The following ARHGAP42 variants were observed in gnomAD, a reference collection of about 807,000 sequenced individuals.
ARHGAP42 encodes the protein Rho GTPase activating protein 42, also known as rho GTPase-activating protein 42.
A neutral mutation model predicts 125.0 loss-of-function variants in ARHGAP42; 63 were observed. The ratio of observed to expected loss-of-function variants is 0.50; its 90% CI spans 0.41 to 0.62. ARHGAP42 has a LOEUF of 0.62. ARHGAP42 is among the 20% of genes least tolerant of loss of function. ARHGAP42 has a pLI of 0.00. For synonymous variants in ARHGAP42, 339 were observed against 351.0 expected (o/e 0.97, Z 0.38); for missense variants, 766 against 1,024.2 (o/e 0.75, Z 3.44).
chr11:100,941,030 T>C (rs1447904791), intron 8 of ARHGAP42, among the ~76,000 whole-genome samples: 2 of 152,102 alleles, frequency 1.3e-5, no homozygotes, highest in East Asian at 3.9e-4. Flanking sequence ...AGATCTTAGG[T>C]ATCTCTCCAG....
chr11:100,735,602 C>CTTTTTTTTTT (rs58522622), intron 1 of ARHGAP42, among the ~76,000 whole-genome samples: 2 of 73,048 alleles, frequency 2.7e-5, no homozygotes, highest in Non-Finnish European at 4.8e-5. Flanking sequence ...TTTACTTGTA[C>CTTTTTTTTTT]TTTTTTTTTT....
intron 3 of ARHGAP42, among the ~76,000 whole-genome samples, chr11:100,840,236 G>T (rs1216034008): frequency 1.3e-5 from 2 of 152,118 alleles, no homozygotes; most frequent in Admixed American, 6.6e-5. Flanking sequence ...TCACAAAGCA[G>T]CTCTCCCTTA....
chr11:100,860,468 A>G (rs1342864833), intron 4 of ARHGAP42, among the ~76,000 whole-genome samples: 4 of 151,992 alleles, frequency 2.6e-5, no homozygotes, highest in Non-Finnish European at 4.4e-5. Context: ...TCTGCTTGAC[A>G]GTTTAATTTT....
chr11:100,853,060 C>T (rs921582074), intron 3 of ARHGAP42, among the ~76,000 whole-genome samples: 2 of 152,074 alleles, frequency 1.3e-5, no homozygotes, highest in African/African-American at 2.4e-5. Context: ...CCTGTGTGAC[C>T]TTTGAGTTAA....
chr11:100,859,645 A>C lies in ARHGAP42; in HGVS notation c.384+20A>C, dbSNP rs1474733255. ...GCAAAAGTAAGTGTTACATTTTATT[A>C]TTCTTCAGTTATTCTCCTGATAATT... On this transcript the variant is annotated intron_variant, in intron 4 of 23. Transcript: ENST00000298815. 3 of 1,429,840 alleles carry C rather than the reference A, an allele frequency of 2.1e-6. No homozygotes were observed. Among genetic ancestry groups the C allele is most frequent in the African/African-American group, 2.9e-5 (2 of 67,820 alleles). 88.6% of individuals were successfully genotyped at this position (1,429,840 alleles called of 1,614,324 possible).
chr11:100,952,968 A>G lies in ARHGAP42; in HGVS notation c.1162+3012A>G, dbSNP rs528799169. 1.0e-3 allele frequency among the ~76,000 whole-genome samples: 154 copies of G among 151,628 alleles called. 2 individuals carry two copies. Among genetic ancestry groups the G allele is most frequent in the Non-Finnish European group, 1.7e-3 (118 of 67,854 alleles). ...CATGTTGGTATCAAACTCCTGTCGA[A>G]CTCCTCGGGTAAATTTGTGTTTCAG... On this transcript the variant is annotated intron_variant, in intron 12 of 23. Coordinates refer to ENST00000298815, the MANE Select transcript of ARHGAP42 (RefSeq NM_152432.4).
intron 4 of ARHGAP42, among the ~76,000 whole-genome samples, chr11:100,889,570 CACAA>C: frequency 6.6e-6 from 1 of 152,300 alleles, no homozygotes; most frequent in South Asian, 2.1e-4. Flanking sequence ...GTTATAGCCA[CACAA>C]ACAGACTAAG....
At chr11:100,987,237 A>C (rs905698738) in intron 22 of ARHGAP42, among the ~76,000 whole-genome samples, 13 of 152,110 alleles carry the variant, frequency 8.5e-5, no homozygotes, top group Non-Finnish European at 1.9e-4. Flanking sequence ...CAGTCTCTAA[A>C]ACCAACCTAT....
In ARHGAP42 at chr11:100,977,150, C is replaced by T. The variant is rs12293431; in HGVS notation, c.2393+179C>T. Among the ~76,000 whole-genome samples, 806 of 152,290 alleles carry T rather than the reference C, an allele frequency of 5.3e-3. 6 individuals are homozygous for T. The highest frequency in any genetic ancestry group is 0.018 in the African/African-American group (739 of 41,566). ...TTTCTATGAGTGATGTGGAAGTCTT[C>T]GGATATGGACAGAATCTCTCTCACA... is the stretch of plus-strand genomic sequence containing the variant. On this transcript the variant is annotated intron_variant, in intron 21 of 23. Coordinates refer to ENST00000298815, the MANE Select transcript of ARHGAP42 (RefSeq NM_152432.4).
Position 100,988,918 on chromosome 11 carries a change from A to G in ARHGAP42, c.*117A>G, listed in dbSNP as rs572651415. 8.5e-5 allele frequency: 57 copies of G among 669,708 alleles called. 1 individual carries two copies. Among genetic ancestry groups the G allele is most frequent in the African/African-American group, 8.5e-4 (48 of 56,650 alleles). 41.5% of individuals were successfully genotyped at this position (669,708 alleles called of 1,614,324 possible). A position where few individuals can be genotyped will look rare whatever the true frequency, so the allele number is the denominator to read the frequency against. Reference sequence around the variant, plus strand: ...CACTAAGTGAAAACAGTCAATTTCTATCAAGTTCTTCACCAGCAGACTATG... The same window carrying G: ...CACTAAGTGAAAACAGTCAATTTCTGTCAAGTTCTTCACCAGCAGACTATG... On this transcript the variant is annotated 3_prime_UTR_variant, in exon 24 of 24. Transcript: ENST00000298815.
intron 1 of ARHGAP42, among the ~76,000 whole-genome samples, chr11:100,728,905 A>G (rs1388581950): frequency 6.6e-5 from 10 of 151,708 alleles, no homozygotes; most frequent in Non-Finnish European, 1.5e-5. Context: ...GGTAGCTGGG[A>G]TCACAGGCAT....
At chr11:100,970,454 A>C (rs1402310024) in intron 17 of ARHGAP42, among the ~76,000 whole-genome samples, 1 of 152,026 alleles carries the variant, frequency 6.6e-6, no homozygotes, top group East Asian at 1.9e-4. Context: ...GTGATCTATA[A>C]ATATGTCTGC....
At chr11:100,941,098 C>A (rs1393341789) in intron 8 of ARHGAP42, among the ~76,000 whole-genome samples, 1 of 152,070 alleles carries the variant, frequency 6.6e-6, no homozygotes, top group African/African-American at 2.4e-5. Flanking sequence ...GGTAACAGTG[C>A]AAGTCATGCA....
chr11:100,911,441 G>C (rs1284185359), intron 4 of ARHGAP42, among the ~76,000 whole-genome samples: 4 of 152,044 alleles, frequency 2.6e-5, no homozygotes, highest in Non-Finnish European at 5.9e-5. Flanking sequence ...AGGGAATTAT[G>C]AATGGCATTT....
In ARHGAP42 at chr11:100,992,258, C is replaced by T; in HGVS notation, c.*3457C>T. ...GTCAGAGGCAGACCAATTTAGGGAA[C>T]AGATTTTGTTCTTTGCTTTTATGAT... On this transcript the variant is annotated 3_prime_UTR_variant, in exon 24 of 24. Coordinates refer to ENST00000298815, the MANE Select transcript of ARHGAP42 (RefSeq NM_152432.4). 1.3e-6 allele frequency: 2 copies of T among 1,530,238 alleles called. No homozygotes were observed. Among genetic ancestry groups the T allele is most frequent in the Admixed American group, 2.2e-5 (1 of 45,654 alleles). 94.8% of individuals were successfully genotyped at this position (1,530,238 alleles called of 1,614,324 possible).
chr11:100,692,933 A>G (rs1378557714), intron 1 of ARHGAP42, among the ~76,000 whole-genome samples: 2 of 152,144 alleles, frequency 1.3e-5, no homozygotes, highest in Admixed American at 1.3e-4. Flanking sequence ...TTTTTCACTC[A>G]GTGTTTTACT....
At chr11:100,903,149 A>ACACACACG (rs1866605301) in intron 4 of ARHGAP42, among the ~76,000 whole-genome samples, 1 of 151,706 alleles carries the variant, frequency 6.6e-6, no homozygotes, top group South Asian at 2.1e-4. Flanking sequence ...ACACACACAC[A>ACACACACG]CACACACCAA....
intron 1 of ARHGAP42, among the ~76,000 whole-genome samples, chr11:100,731,905 A>C (rs928280067): frequency 3.3e-5 from 5 of 151,664 alleles, no homozygotes; most frequent in African/African-American, 1.2e-4. Context: ...GTTTTTCTAC[A>C]TAGCACTTAT....
chr11:100,791,545 C>T (rs1204777634), intron 2 of ARHGAP42, among the ~76,000 whole-genome samples: 2 of 151,744 alleles, frequency 1.3e-5, no homozygotes, highest in Non-Finnish European at 2.9e-5. Context: ...TTAATGTCCT[C>T]AACTTTTTTT....
Sources: allele counts gnomAD v4.1 joint callset (sites outside exome capture counted in the v4.1 genomes callset), GRCh38; gene constraint gnomAD v4.1.1; transcripts MANE v1.5; gene names NCBI Gene and HGNC (gene_info 2026-07-23, HGNC 2026-07-21).